Variants in MCTP1 observed in about 807,000 individuals in gnomAD.
MCTP1 encodes the protein multiple C2 and transmembrane domain containing 1.
A neutral mutation model predicts 120.6 loss-of-function variants in MCTP1; 69 were observed. That is an observed-to-expected ratio of 0.57 (90% confidence interval 0.47 to 0.70). The LOEUF (loss-of-function observed/expected upper bound fraction) is 0.70. MCTP1 is among the 30% of genes least tolerant of loss of function. The pLI is 0.00. For synonymous variants in MCTP1, 529 were observed against 493.1 expected, an observed-to-expected ratio of 1.07 and a Z score of -0.96; for missense variants, 1,203 against 1,248.8, an observed-to-expected ratio of 0.96 and a Z score of 0.55.
At chr5:94,772,308 A>C (rs754695020) in intron 19 of MCTP1, among the ~76,000 whole-genome samples, 1 of 152,136 alleles carries the variant, frequency 6.6e-6, no homozygotes, top group African/African-American at 2.4e-5. Context: ...CACACTGTCA[A>C]TGTGCAGCTG....
intron 17 of MCTP1, among the ~76,000 whole-genome samples, chr5:94,814,723 T>A (rs1784147649): frequency 6.7e-6 from 1 of 148,222 alleles, no homozygotes; most frequent in Non-Finnish European, 1.5e-5. Flanking sequence ...TGGAAAGAAA[T>A]AGAAAAGGAC....
At chr5:95,205,054 T>C (rs1184830887) in intron 1 of MCTP1, among the ~76,000 whole-genome samples, 2 of 152,034 alleles carry the variant, frequency 1.3e-5, no homozygotes, top group African/African-American at 4.8e-5. Flanking sequence ...AAGAACAAAA[T>C]TGAAGTACTC....
chr5:94,952,993 T>C (rs1302089010), intron 3 of MCTP1, among the ~76,000 whole-genome samples: 1 of 152,202 alleles, frequency 6.6e-6, no homozygotes, highest in Non-Finnish European at 1.5e-5. Context: ...ATACACTTCA[T>C]AATCCTTCTA....
chr5:94,946,134 C>G (rs528738817), intron 3 of MCTP1, among the ~76,000 whole-genome samples: 41 of 152,268 alleles, frequency 2.7e-4, no homozygotes, highest in African/African-American at 9.9e-4. Flanking sequence ...GTAAATGATA[C>G]AGCCTAATCC....
At chr5:94,724,085 T>C (rs1335175686) in intron 19 of MCTP1, among the ~76,000 whole-genome samples, 6 of 152,150 alleles carry the variant, frequency 3.9e-5, no homozygotes, top group Admixed American at 3.9e-4. Flanking sequence ...GAAACAAAAC[T>C]TGCTAACCAT....
chr5:95,195,761 A>C (rs900033746), intron 1 of MCTP1, among the ~76,000 whole-genome samples: 1 of 152,160 alleles, frequency 6.6e-6, no homozygotes, highest in Non-Finnish European at 1.5e-5. Context: ...CCCAGATTTC[A>C]ACAGCAGCAG....
chr5:94,964,887 G>A (rs1410623782), intron 2 of MCTP1, among the ~76,000 whole-genome samples: 1 of 151,894 alleles, frequency 6.6e-6, no homozygotes, highest in Non-Finnish European at 1.5e-5. Context: ...TTTATTAACT[G>A]TTTTTTAGTT....
At chr5:95,120,075 G>A (rs1224070860) in intron 1 of MCTP1, among the ~76,000 whole-genome samples, 1 of 150,508 alleles carries the variant, frequency 6.6e-6, no homozygotes, top group East Asian at 2.0e-4. Context: ...TACTCAGGAG[G>A]CTGAGGCAGG....
At chr5:95,128,814 C>A (rs1330995998) in intron 1 of MCTP1, among the ~76,000 whole-genome samples, 1 of 152,120 alleles carries the variant, frequency 6.6e-6, no homozygotes, top group Non-Finnish European at 1.5e-5. Context: ...ATACTTCCAA[C>A]AAATGAATTG....
intron 1 of MCTP1, chr5:95,024,013 TG>T: frequency 2.4e-6 from 1 of 420,138 alleles, no homozygotes; most frequent in East Asian, 7.5e-5. Flanking sequence ...CCTTGTTGGA[TG>T]TATGACTTGC....
chr5:94,955,664 G>C (rs567209091), intron 2 of MCTP1, among the ~76,000 whole-genome samples: 1 of 152,298 alleles, frequency 6.6e-6, no homozygotes, highest in South Asian at 2.1e-4. Flanking sequence ...TTCAGACAGG[G>C]CAGAGCCTAC....
At chr5:94,940,243 C>A in intron 4 of MCTP1, 48 bp from the exon 5 acceptor site, 7 of 1,060,654 alleles carry the variant, frequency 6.6e-6, no homozygotes, top group South Asian at 5.1e-5. Context: ...AATGAATAAG[C>A]CAAATATATT....
At chr5:95,009,913 C>G (rs187821888) in intron 2 of MCTP1, among the ~76,000 whole-genome samples, 1 of 152,314 alleles carries the variant, frequency 6.6e-6, no homozygotes, top group African/African-American at 2.4e-5. Context: ...ATGGGCAGCT[C>G]TGGCTGCTGA....
intron 1 of MCTP1, among the ~76,000 whole-genome samples, chr5:95,283,181 C>CA (rs1397329488): frequency 6.6e-6 from 1 of 152,200 alleles, no homozygotes; most frequent in Non-Finnish European, 1.5e-5. Context: ...CTTGTCTGAG[C>CA]AATCAACATG....
intron 17 of MCTP1, among the ~76,000 whole-genome samples, chr5:94,858,516 G>A (rs1255743978): frequency 1.3e-5 from 2 of 151,694 alleles, no homozygotes; most frequent in Non-Finnish European, 3.0e-5. Flanking sequence ...AGGACCAGGA[G>A]TCCAATTTTA....
intron 17 of MCTP1, among the ~76,000 whole-genome samples, chr5:94,832,343 A>G (rs912975457): frequency 3.3e-5 from 5 of 152,166 alleles, no homozygotes; most frequent in African/African-American, 7.2e-5. Context: ...ACTTTCTTCA[A>G]TGTAAGAAAA....
chr5:94,805,972 T>C (rs1391367969), intron 17 of MCTP1, among the ~76,000 whole-genome samples: 2 of 151,084 alleles, frequency 1.3e-5, no homozygotes, highest in Non-Finnish European at 2.9e-5. Flanking sequence ...TTTCTTCTCT[T>C]CCCCCTTCCT....
chr5:94,890,530 T>G (rs980080311), intron 11 of MCTP1, among the ~76,000 whole-genome samples: 7 of 152,204 alleles, frequency 4.6e-5, no homozygotes, highest in Non-Finnish European at 7.3e-5. Context: ...TACACAATCT[T>G]TTACAGTCAA....
chr5:94,815,616 G>C (rs1322070349), intron 17 of MCTP1, among the ~76,000 whole-genome samples: 2 of 152,192 alleles, frequency 1.3e-5, no homozygotes, highest in African/African-American at 4.8e-5. Flanking sequence ...GTCCAGAAGT[G>C]TTCACCACAT....
Sources: allele counts gnomAD v4.1 joint callset (sites outside exome capture counted in the v4.1 genomes callset), GRCh38; gene constraint gnomAD v4.1.1; transcripts MANE v1.5; gene names NCBI Gene and HGNC (gene_info 2026-07-23, HGNC 2026-07-21).